Variants in ACOT7 observed in about 807,000 individuals in gnomAD.
ACOT7 encodes the protein cytosolic acyl coenzyme A thioester hydrolase.
Under a neutral mutation model 40.2 loss-of-function variants are expected in ACOT7, and 12 were observed. The ratio of observed to expected loss-of-function variants is 0.30; its 90% CI spans 0.19 to 0.48. The LOEUF (loss-of-function observed/expected upper bound fraction) is 0.48. Among genes scored for constraint, ACOT7 ranks in the 20% least tolerant of loss-of-function variants. The probability of loss-of-function intolerance (pLI) is 0.99; values close to 1 mark genes in which losing one functional copy is unlikely to be tolerated. For synonymous variants in ACOT7, 228 were observed against 219.5 expected (o/e 1.04, Z -0.34); for missense variants, 395 against 530.8 (o/e 0.74, Z 2.51).
In ACOT7 at chr1:6,281,868, T is replaced by C. The variant is rs569417457; in HGVS notation, c.830-582A>G. Among the ~76,000 whole-genome samples the C allele has an allele frequency of 3.9e-5, 6 of 152,284 alleles. No individual in the cohort carries two copies. The East Asian group carries it at 1.2e-3, about 29-fold the overall frequency. Reference sequence around the variant, plus strand: ...TGCCCCTTGGTGGGATTGAATCTTATGTGACTGCATGCCAAGCCTCCCTTC... The same window carrying C: ...TGCCCCTTGGTGGGATTGAATCTTACGTGACTGCATGCCAAGCCTCCCTTC... On this transcript the variant is annotated intron_variant, in intron 7 of 8. Coordinates refer to ENST00000361521, the MANE Select transcript of ACOT7 (RefSeq NM_007274.4).
intron 4 of ACOT7, among the ~76,000 whole-genome samples, chr1:6,328,004 C>A (rs1031379655): frequency 1.3e-5 from 2 of 152,162 alleles, no homozygotes; most frequent in Non-Finnish European, 2.9e-5. Flanking sequence ...GATCTCTTGA[C>A]CTTGCGATCT....
Position 6,294,804 on chromosome 1 carries a change from G to T in ACOT7, c.829+60C>A. 1 of 1,403,850 alleles carries T rather than the reference G, an allele frequency of 7.1e-7. No individual in the cohort carries two copies. Among genetic ancestry groups the T allele is most frequent in the Non-Finnish European group, 1.0e-6 (1 of 994,878 alleles). The allele number at this position is 1,403,850 out of a possible 1,614,324, so 87.0% of individuals were successfully genotyped here. ...GGGTGTGAACAGAAAACAAACTGGTGCAGGGACCCAAGCAGCCGAGGGCCA... is the reference window on the plus strand; with the variant it reads ...GGGTGTGAACAGAAAACAAACTGGTTCAGGGACCCAAGCAGCCGAGGGCCA... On this transcript the variant is annotated intron_variant, in intron 7 of 8. Coordinates refer to ENST00000361521, the MANE Select transcript of ACOT7 (RefSeq NM_007274.4). The surrounding 1 kb of genome is among the most constrained non-coding windows in gnomAD (Gnocchi z 4.6).
intron 1 of ACOT7, among the ~76,000 whole-genome samples, chr1:6,390,389 T>C (rs1420943522): frequency 2.6e-5 from 4 of 151,568 alleles, no homozygotes; most frequent in Admixed American, 2.0e-4. Flanking sequence ...CTGGCCAACA[T>C]GGTGAAACCC....
At chr1:6,344,738 T>C (rs1386521803) in intron 2 of ACOT7, among the ~76,000 whole-genome samples, 1 of 120,116 alleles carries the variant, frequency 8.3e-6, no homozygotes, top group Non-Finnish European at 1.6e-5. Context: ...CACCCCAGCC[T>C]GGGCGACAGA....
At chr1:6,292,298 G>T (rs1429073574) in intron 7 of ACOT7, among the ~76,000 whole-genome samples, 1 of 152,238 alleles carries the variant, frequency 6.6e-6, no homozygotes, top group Non-Finnish European at 1.5e-5. Flanking sequence ...GGGCCTGGGC[G>T]GCCCACTGTC....
intron 2 of ACOT7, among the ~76,000 whole-genome samples, chr1:6,345,864 T>C (rs1641405295): frequency 6.6e-6 from 1 of 152,080 alleles, no homozygotes; most frequent in Admixed American, 6.5e-5. Flanking sequence ...GGCCGCGGGC[T>C]CATCGTAAGC....
At chr1:6,298,342 C>T (rs1639870796) in intron 6 of ACOT7, among the ~76,000 whole-genome samples, 1 of 152,138 alleles carries the variant, frequency 6.6e-6, no homozygotes, top group South Asian at 2.1e-4. Context: ...ACCATGTTGA[C>T]CAGGCTGGTC....
chr1:6,294,293 A>C lies in ACOT7; in HGVS notation c.829+571T>G, dbSNP rs1363270223. On this transcript the variant is annotated intron_variant, in intron 7 of 8. Coordinates refer to ENST00000361521, the MANE Select transcript of ACOT7 (RefSeq NM_007274.4). This position sits in a 1 kb window ranked among gnomAD's most constrained non-coding sequence, Gnocchi z 4.6. ...GGTGACCTCTGCTCATACAAACTGC[A>C]GAGGCCTGGCCTGTCAAGCTGGCAC... Among the ~76,000 whole-genome samples the C allele has an allele frequency of 6.6e-6, 1 of 152,250 alleles. No individual in the cohort carries two copies.
chr1:6,272,224 G>A (rs1639056532), intron 8 of ACOT7, among the ~76,000 whole-genome samples: 2 of 152,268 alleles, frequency 1.3e-5, no homozygotes, highest in African/African-American at 2.4e-5. Flanking sequence ...CAGGGGCACA[G>A]GAGGTGTTTG....
chr1:6,335,723 G>T lies in ACOT7; in HGVS notation c.419-2155C>A, dbSNP rs182052803. Among the ~76,000 whole-genome samples, 548 of 152,294 alleles carry T rather than the reference G, an allele frequency of 3.6e-3. 3 individuals carry two copies. The highest frequency in any genetic ancestry group is 0.013 in the African/African-American group (529 of 41,558). ...CAGGCTCCAAATCAAGCCCCAGGGG[G>T]CCCATTAAGAAAAGGCCTGTGCCTG... On this transcript the variant is annotated intron_variant, in intron 3 of 8. Coordinates refer to ENST00000361521, the MANE Select transcript of ACOT7 (RefSeq NM_007274.4).
Position 6,352,727 on chromosome 1 carries a change from C to T in ACOT7, c.144-2861G>A, listed in dbSNP as rs1328322806. Among the ~76,000 whole-genome samples the T allele has an allele frequency of 1.3e-5, 2 of 150,626 alleles. No individual in the cohort carries two copies. The highest frequency in any genetic ancestry group is 2.1e-4 in the South Asian group (1 of 4,768). Reference sequence around the variant, plus strand: ...CCTCCCGAGTAGCTGGCACTACAGGCGCCCGCCACCACGCCCGGCTAATTT... The same window carrying T: ...CCTCCCGAGTAGCTGGCACTACAGGTGCCCGCCACCACGCCCGGCTAATTT... On this transcript the variant is annotated intron_variant, in intron 1 of 8. Transcript: ENST00000361521. The surrounding 1 kb of genome is among the most constrained non-coding windows in gnomAD (Gnocchi z 4.5).
intron 8 of ACOT7, among the ~76,000 whole-genome samples, chr1:6,270,625 GC>G (rs1236191252): frequency 1.3e-5 from 2 of 152,230 alleles, no homozygotes; most frequent in African/African-American, 4.8e-5. Context: ...CAGCTGTGTG[GC>G]CCAGGGCCAG....
chr1:6,370,531 C>A (rs1011983455), intron 1 of ACOT7, among the ~76,000 whole-genome samples: 1 of 150,384 alleles, frequency 6.6e-6, no homozygotes, highest in African/African-American at 2.4e-5. Flanking sequence ...GTTCTGTCAC[C>A]TGGCCTGGAG....
intron 5 of ACOT7, among the ~76,000 whole-genome samples, chr1:6,323,730 AAAAAAAAAT>A (rs1640713448): frequency 2.1e-5 from 2 of 96,654 alleles, no homozygotes; most frequent in African/African-American, 1.1e-4. Flanking sequence ...AAAAAAAAAA[AAAAAAAAAT>A]ATATATATAT....
At chr1:6,356,435 C>T (rs1440752969) in intron 1 of ACOT7, among the ~76,000 whole-genome samples, 1 of 151,978 alleles carries the variant, frequency 6.6e-6, no homozygotes, top group Non-Finnish European at 1.5e-5. Flanking sequence ...CCCAGCTCAG[C>T]ACCCTCAGCC....
intron 5 of ACOT7, among the ~76,000 whole-genome samples, chr1:6,319,416 C>T (rs912796452): frequency 3.3e-5 from 5 of 152,222 alleles, no homozygotes; most frequent in Admixed American, 6.5e-5. Flanking sequence ...TGGTCTTGAA[C>T]TCCTGACCTC....
chr1:6,342,648 A>G (rs1421337070), intron 2 of ACOT7, among the ~76,000 whole-genome samples: 1 of 152,196 alleles, frequency 6.6e-6, no homozygotes, highest in African/African-American at 2.4e-5. Context: ...TTAGAAAATT[A>G]CTTTCAATTG....
intron 5 of ACOT7, 24 bp from the exon 6 acceptor site, chr1:6,318,602 T>C: frequency 6.2e-7 from 1 of 1,610,148 alleles, no homozygotes; most frequent in South Asian, 1.1e-5. Flanking sequence ...AGAGAGAGAT[T>C]AGTTATGGGG....
intron 2 of ACOT7, among the ~76,000 whole-genome samples, chr1:6,341,659 G>A (rs1023553031): frequency 1.3e-5 from 2 of 152,122 alleles, no homozygotes; most frequent in Admixed American, 6.5e-5. Context: ...GGAGAATGGC[G>A]TGAACCCGGG....
Sources: allele counts gnomAD v4.1 joint callset (sites outside exome capture counted in the v4.1 genomes callset), GRCh38; gene constraint gnomAD v4.1.1; non-coding constraint Gnocchi (gnomAD v3.1); transcripts MANE v1.5; gene names NCBI Gene and HGNC (gene_info 2026-07-23, HGNC 2026-07-21).